CTDSPL: variants seen among roughly 807,000 people sequenced by gnomAD.
CTDSPL encodes CTD small phosphatase like.
In CTDSPL, 8 loss-of-function variants were observed where a neutral mutation model predicts 30.5. That is an observed-to-expected ratio of 0.26 (90% CI 0.15 to 0.47). The LOEUF is 0.47. Ranked by LOEUF, CTDSPL falls within the 20% of genes least tolerant of loss-of-function variation. CTDSPL has a pLI of 0.99. For missense variants in CTDSPL, 248 were observed against 366.1 expected (o/e 0.68, Z 2.63); for synonymous variants, 110 against 137.9 (o/e 0.80, Z 1.42).
At chr3:37,959,359 T>C (rs1249247202) in intron 3 of CTDSPL, among the ~76,000 whole-genome samples, 10 of 152,244 alleles carry the variant, frequency 6.6e-5, no homozygotes, top group Non-Finnish European at 2.9e-5. Flanking sequence ...AATACATACA[T>C]ACACACGTAC....
At chr3:37,902,129 C>T (rs950061309) in intron 1 of CTDSPL, among the ~76,000 whole-genome samples, 4 of 152,190 alleles carry the variant, frequency 2.6e-5, no homozygotes, top group South Asian at 2.1e-4. Flanking sequence ...TATGTCTCAT[C>T]GTCACCTATC....
chr3:37,972,632 A>C lies in CTDSPL; in HGVS notation c.519+1133A>C, dbSNP rs559413038. On this transcript the variant is annotated intron_variant, in intron 6 of 7. Transcript: ENST00000273179. The stretch of plus-strand genomic sequence containing the variant: ...TCTTTGTCCTCTCCACTGTTTAAGG[A>C]AACTAGCAGGTTCCCAAGCCTCCCA... Among the ~76,000 whole-genome samples the C allele has an allele frequency of 7.9e-5, 12 of 152,368 alleles. No homozygotes were observed. The South Asian group carries it at 2.5e-3, about 32-fold the overall frequency.
chr3:37,904,046 C>T (rs556115373), intron 1 of CTDSPL, among the ~76,000 whole-genome samples: 2 of 152,374 alleles, frequency 1.3e-5, no homozygotes, highest in African/African-American at 4.8e-5. Context: ...TTCAGGACTT[C>T]TCCTTCAACC....
intron 1 of CTDSPL, among the ~76,000 whole-genome samples, chr3:37,929,485 A>G (rs1409705963): frequency 6.6e-6 from 1 of 152,188 alleles, no homozygotes; most frequent in Non-Finnish European, 1.5e-5. Flanking sequence ...TTTTCAGTGT[A>G]CACATTTTTC....
chr3:37,958,053 A>C (rs1398301039), intron 3 of CTDSPL, among the ~76,000 whole-genome samples: 3 of 152,226 alleles, frequency 2.0e-5, no homozygotes, highest in African/African-American at 7.2e-5. Context: ...AAATGTGTTC[A>C]TCTCTCTTTC....
intron 1 of CTDSPL, among the ~76,000 whole-genome samples, chr3:37,899,737 T>A (rs1457924920): frequency 6.6e-6 from 1 of 152,168 alleles, no homozygotes; most frequent in African/African-American, 2.4e-5. Flanking sequence ...GACTCTTCAA[T>A]TGCATTCACA....
chr3:37,980,177 A>G (rs1699474123), intron 7 of CTDSPL, among the ~76,000 whole-genome samples: 1 of 152,164 alleles, frequency 6.6e-6, no homozygotes, highest in Admixed American at 6.5e-5. Context: ...CTAAGGGAAA[A>G]TCCTGTCTTT....
At position 37,980,894 on chromosome 3, in the gene CTDSPL, G is replaced by C; in HGVS notation, c.*27G>C. ...CCTGGCCTCTGCCTGCCTCCCGCCT[G>C]TGCACTCTGGAACCTCTGGCCTCAG... On this transcript the variant is annotated 3_prime_UTR_variant, in exon 8 of 8. Transcript: ENST00000273179. 1 of 1,608,026 alleles carries C rather than the reference G, an allele frequency of 6.2e-7. No individual in the cohort carries two copies. The highest frequency in any genetic ancestry group is 8.5e-7 in the Non-Finnish European group (1 of 1,175,934).
chr3:37,864,321 A>G (rs946254311), intron 1 of CTDSPL, among the ~76,000 whole-genome samples: 9 of 152,190 alleles, frequency 5.9e-5, no homozygotes, highest in African/African-American at 1.9e-4. Flanking sequence ...CAAAGAATCA[A>G]TCTATCCAAA....
intron 3 of CTDSPL, among the ~76,000 whole-genome samples, chr3:37,960,535 T>TATATATATAC (rs1327299412): frequency 1.8e-4 from 3 of 16,288 alleles, no homozygotes; most frequent in East Asian, 1.4e-3. Flanking sequence ...TATATATATA[T>TATATATATAC]ACACACACAC....
chr3:37,971,034 G>A lies in CTDSPL; in HGVS notation c.427-373G>A, dbSNP rs533869604. ...GGACAACACCCAGACCGTGGCCCGTGCCCACACAGGTCCTGACCCTCAGCA... is the reference window on the plus strand; with the variant it reads ...GGACAACACCCAGACCGTGGCCCGTACCCACACAGGTCCTGACCCTCAGCA... On this transcript the variant is annotated intron_variant, in intron 5 of 7. Coordinates refer to ENST00000273179, the MANE Select transcript of CTDSPL (RefSeq NM_001008392.2). Among the ~76,000 whole-genome samples, 30 of 152,290 alleles carry A rather than the reference G, an allele frequency of 2.0e-4. 1 individual carries two copies. Among genetic ancestry groups the A allele is most frequent in the African/African-American group, 7.0e-4 (29 of 41,548 alleles).
chr3:37,981,718 G>A lies in CTDSPL; in HGVS notation c.*851G>A. 1 of 410,946 alleles carries A rather than the reference G, an allele frequency of 2.4e-6. No individual in the cohort carries two copies. Among genetic ancestry groups the A allele is most frequent in the Non-Finnish European group, 4.9e-6 (1 of 202,126 alleles). The allele number at this position is 410,946 out of a possible 1,614,324, so 25.5% of individuals were successfully genotyped here. A position where few individuals can be genotyped will look rare whatever the true frequency, so the allele number is the denominator to read the frequency against. The stretch of plus-strand genomic sequence containing the variant: ...GCTCTCACACTACTGCCATACATTT[G>A]TGTTTTTTGTTGTTATTGTTTGGGT... On this transcript the variant is annotated 3_prime_UTR_variant, in exon 8 of 8. Transcript: ENST00000273179.
intron 1 of CTDSPL, among the ~76,000 whole-genome samples, chr3:37,935,593 G>A (rs559427531): frequency 2.6e-5 from 4 of 152,220 alleles, no homozygotes; most frequent in Non-Finnish European, 5.9e-5. Context: ...GCAAGGAAGG[G>A]CATTTCCAGC....
intron 1 of CTDSPL, among the ~76,000 whole-genome samples, chr3:37,939,190 G>C (rs1182456631): frequency 1.3e-5 from 2 of 150,220 alleles, no homozygotes; most frequent in Non-Finnish European, 3.0e-5. Flanking sequence ...ACCTAAACCA[G>C]TCACAATTTT....
At chr3:37,970,268 C>T (rs1699352025) in intron 5 of CTDSPL, among the ~76,000 whole-genome samples, 1 of 152,202 alleles carries the variant, frequency 6.6e-6, no homozygotes, top group South Asian at 2.1e-4. Flanking sequence ...GATCCCCTCC[C>T]CTTGTGAGGG....
intron 1 of CTDSPL, among the ~76,000 whole-genome samples, chr3:37,901,780 G>C (rs189056254): frequency 5.9e-5 from 9 of 152,280 alleles, no homozygotes; most frequent in Non-Finnish European, 1.0e-4. Context: ...GCAGGTGTAT[G>C]CAACCAGAAA....
intron 1 of CTDSPL, among the ~76,000 whole-genome samples, chr3:37,913,362 C>T (rs1282347063): frequency 6.6e-6 from 1 of 152,094 alleles, no homozygotes; most frequent in Non-Finnish European, 1.5e-5. Context: ...CTAGTTCTAC[C>T]TGATTTATCC....
intron 1 of CTDSPL, among the ~76,000 whole-genome samples, chr3:37,870,896 A>G (rs773031772): frequency 2.6e-5 from 4 of 152,144 alleles, no homozygotes; most frequent in African/African-American, 7.2e-5. Context: ...AGCTCCCCAT[A>G]CTATCAACAT....
chr3:37,957,007 G>T, intron 2 of CTDSPL, 104 bp from the exon 3 acceptor site: 1 of 928,734 alleles, frequency 1.1e-6, no homozygotes, highest in South Asian at 1.4e-5. Flanking sequence ...TACAGAGAAT[G>T]GCAGATCATG....
Sources: allele counts gnomAD v4.1 joint callset (sites outside exome capture counted in the v4.1 genomes callset), GRCh38; gene constraint gnomAD v4.1.1; transcripts MANE v1.5; gene names NCBI Gene and HGNC (gene_info 2026-07-23, HGNC 2026-07-21).